Variants in SESTD1 observed in about 807,000 individuals in gnomAD.
SESTD1 encodes SEC14 domain and spectrin repeat-containing protein 1.
Under a neutral mutation model 101.7 loss-of-function variants are expected in SESTD1, and 43 were observed. The ratio of observed to expected loss-of-function variants is 0.42; its 90% CI spans 0.33 to 0.55. The LOEUF (loss-of-function observed/expected upper bound fraction) is 0.55, where lower values mean the gene tolerates loss of function less well. SESTD1 is among the 20% of genes least tolerant of loss of function. The pLI is 0.07. For synonymous variants in SESTD1, 283 were observed against 286.8 expected, an observed-to-expected ratio of 0.99 and a Z score of 0.13; for missense variants, 647 against 815.1, an observed-to-expected ratio of 0.79 and a Z score of 2.51.
At chr2:179,204,838 C>A (rs2046569627) in intron 1 of SESTD1, among the ~76,000 whole-genome samples, 1 of 131,662 alleles carries the variant, frequency 7.6e-6, no homozygotes, top group African/African-American at 3.0e-5. Context: ...AAGCTAGAAA[C>A]AAGAGAACTA....
At chr2:179,145,969 T>C (rs138397997) in intron 8 of SESTD1, among the ~76,000 whole-genome samples, 224 of 152,192 alleles carry the variant, frequency 1.5e-3, no homozygotes, top group African/African-American at 4.9e-3. Context: ...AGAGAGATTA[T>C]TATTAATTTT....
At chr2:179,255,214 A>T (rs1422619549) in intron 1 of SESTD1, among the ~76,000 whole-genome samples, 4 of 152,218 alleles carry the variant, frequency 2.6e-5, no homozygotes, top group Non-Finnish European at 5.9e-5. Context: ...AAGTGAAAGG[A>T]GGAGTCACAT....
intron 1 of SESTD1, among the ~76,000 whole-genome samples, chr2:179,261,169 T>C (rs572927939): frequency 1.3e-5 from 2 of 152,350 alleles, no homozygotes; most frequent in African/African-American, 4.8e-5. Flanking sequence ...AGACCTACCT[T>C]ATTATGACAG....
Position 179,201,208 on chromosome 2 carries a change from C to G in SESTD1, c.-25-9342G>C, listed in dbSNP as rs1368816527. The stretch of plus-strand genomic sequence containing the variant: ...CGCTGGCCATCAGAGAAATGCAAAT[C>G]AAAACCACAATGAGATACCATCTCA... On this transcript the variant is annotated intron_variant, in intron 1 of 17. Coordinates refer to ENST00000428443, the MANE Select transcript of SESTD1 (RefSeq NM_178123.5). 1.5e-5 allele frequency among the ~76,000 whole-genome samples: 2 copies of G among 134,014 alleles called. 1 individual carries two copies. The highest frequency in any genetic ancestry group is 6.0e-5 in the African/African-American group (2 of 33,428). The allele number at this position is 134,014 out of a possible 152,430, so 87.9% of individuals were successfully genotyped here.
intron 17 of SESTD1, among the ~76,000 whole-genome samples, chr2:179,112,076 T>G (rs540383442): frequency 1.3e-5 from 2 of 152,332 alleles, no homozygotes; most frequent in African/African-American, 4.8e-5. Context: ...TATTTCATAT[T>G]TTTATCACTA....
At chr2:179,117,188 T>C (rs950276479) in intron 14 of SESTD1, among the ~76,000 whole-genome samples, 3 of 152,190 alleles carry the variant, frequency 2.0e-5, no homozygotes, top group African/African-American at 7.2e-5. Flanking sequence ...TTATCTGGTA[T>C]TGAAATTTCT....
chr2:179,115,273 A>G lies in SESTD1; in HGVS notation c.1648-17T>C. The G allele has an allele frequency of 6.4e-7, 1 of 1,552,102 alleles. No individual in the cohort carries two copies. The highest frequency in any genetic ancestry group is 8.7e-7 in the Non-Finnish European group (1 of 1,153,614). On this transcript the variant is annotated splice_polypyrimidine_tract_variant and intron_variant, in intron 15 of 17. Coordinates refer to ENST00000428443, the MANE Select transcript of SESTD1 (RefSeq NM_178123.5). ...ATAAGTGCTCTAAAAAAGAAAAGGA[A>G]ACATAAAATTGTAATAAAAGAATTC...
At chr2:179,257,496 G>A (rs1425018066) in intron 1 of SESTD1, among the ~76,000 whole-genome samples, 3 of 152,170 alleles carry the variant, frequency 2.0e-5, no homozygotes, top group African/African-American at 4.8e-5. Context: ...ACAGAAAATC[G>A]TGTGACTTGC....
chr2:179,103,220 T>C lies in SESTD1; in HGVS notation c.*6679A>G, dbSNP rs2044309832. ...CTGTCTGGGGCAGACAGGTCTTTGC[T>C]TTCCTCAGATAGTTCCAATTGTCAT... On this transcript the variant is annotated 3_prime_UTR_variant, in exon 18 of 18. Coordinates refer to ENST00000428443, the MANE Select transcript of SESTD1 (RefSeq NM_178123.5). 1 of 152,106 alleles carries C rather than the reference T, an allele frequency of 6.6e-6. No homozygotes were observed. The highest frequency in any genetic ancestry group is 6.6e-5 in the Admixed American group (1 of 15,260). 9.4% of individuals were successfully genotyped at this position (152,106 alleles called of 1,614,324 possible).
At chr2:179,259,694 A>T (rs1028196581) in intron 1 of SESTD1, among the ~76,000 whole-genome samples, 16 of 152,302 alleles carry the variant, frequency 1.1e-4, no homozygotes, top group African/African-American at 3.9e-4. Context: ...AGAACTCAAC[A>T]TCTCAGGTTT....
chr2:179,197,377 A>T (rs2046417717), intron 1 of SESTD1, among the ~76,000 whole-genome samples: 1 of 152,230 alleles, frequency 6.6e-6, no homozygotes, highest in African/African-American at 2.4e-5. Context: ...CAAGTTGGAA[A>T]ACACTCTGCA....
chr2:179,189,383 A>G (rs2046285920), intron 2 of SESTD1, among the ~76,000 whole-genome samples: 2 of 152,206 alleles, frequency 1.3e-5, no homozygotes, highest in South Asian at 4.1e-4. Context: ...TTCATGATAA[A>G]AACCCTCAAT....
chr2:179,154,965 T>A (rs956893468), intron 5 of SESTD1, among the ~76,000 whole-genome samples: 11 of 152,126 alleles, frequency 7.2e-5, no homozygotes, highest in African/African-American at 2.4e-4. Flanking sequence ...ATATCAGCAA[T>A]CCGTATTACT....
At chr2:179,219,002 A>C (rs1047430188) in intron 1 of SESTD1, among the ~76,000 whole-genome samples, 3 of 152,218 alleles carry the variant, frequency 2.0e-5, no homozygotes, top group Non-Finnish European at 2.9e-5. Context: ...AACTACCTGA[A>C]TGCCAACACC....
At chr2:179,242,054 A>T (rs1339904088) in intron 1 of SESTD1, among the ~76,000 whole-genome samples, 1 of 152,192 alleles carries the variant, frequency 6.6e-6, no homozygotes, top group Non-Finnish European at 1.5e-5. Context: ...ATATGATTGT[A>T]TACCTAGAAA....
At chr2:179,245,515 CAAAAAAAAAAAA>C (rs59103658) in intron 1 of SESTD1, among the ~76,000 whole-genome samples, 4 of 45,178 alleles carry the variant, frequency 8.9e-5, no homozygotes, top group East Asian at 1.9e-3. Flanking sequence ...GACTCTGTCT[CAAAAAAAAAAAA>C]AAAAAAAAAA....
At chr2:179,118,557 T>TA (rs143735250) in intron 13 of SESTD1, among the ~76,000 whole-genome samples, 8,340 of 151,896 alleles carry the variant, frequency 0.055, 286 homozygotes, top group South Asian at 0.089. Flanking sequence ...AGGCTTTTTT[T>TA]TAAAAAAAAA....
intron 5 of SESTD1, 52 bp from the exon 6 acceptor site, chr2:179,151,443 C>T: frequency 2.3e-6 from 3 of 1,329,864 alleles, no homozygotes; most frequent in Non-Finnish European, 3.1e-6. Context: ...TATTAAAATC[C>T]ACGAAAGTAA....
chr2:179,180,865 C>A (rs1211069629), intron 3 of SESTD1, among the ~76,000 whole-genome samples: 1 of 152,138 alleles, frequency 6.6e-6, no homozygotes, highest in African/African-American at 2.4e-5. Context: ...GGATAAAAAG[C>A]TGACAGCCAT....
Sources: gnomAD v4.1 joint callset for allele counts (sites outside exome capture counted in the v4.1 genomes callset) on GRCh38, gnomAD v4.1.1 for gene constraint, MANE v1.5 for transcripts, NCBI Gene and HGNC (gene_info 2026-07-23, HGNC 2026-07-21) for gene names.